The following PLEKHG1 variants were observed in gnomAD, a reference collection of about 807,000 sequenced individuals.
The protein encoded by PLEKHG1 is pleckstrin homology domain-containing family G member 1.
Under a neutral mutation model 100.8 loss-of-function variants are expected in PLEKHG1, and 44 were observed. The observed-to-expected ratio is 0.44, with a 90% CI of 0.34 to 0.56. The LOEUF is 0.56. PLEKHG1 is among the 20% of genes least tolerant of loss of function. PLEKHG1 has a pLI of 0.01. For missense variants in PLEKHG1, 1,545 were observed against 1,720.9 expected, an observed-to-expected ratio of 0.90 and a Z score of 1.81; for synonymous variants, 640 against 662.5, an observed-to-expected ratio of 0.97 and a Z score of 0.52.
chr6:150,690,176 A>G (rs1211233112), intron 3 of PLEKHG1, among the ~76,000 whole-genome samples: 4 of 151,394 alleles, frequency 2.6e-5, no homozygotes, highest in Non-Finnish European at 5.9e-5. Context: ...GGTTCTTTAA[A>G]CTCATAACTG....
At chr6:150,753,896 C>T (rs1783673379) in intron 2 of PLEKHG1, among the ~76,000 whole-genome samples, 2 of 152,172 alleles carry the variant, frequency 1.3e-5, no homozygotes, top group South Asian at 4.1e-4. Flanking sequence ...AGCGGGGGCA[C>T]CGTTAACCCT....
intron 3 of PLEKHG1, among the ~76,000 whole-genome samples, chr6:150,695,010 C>G (rs534067353): frequency 6.6e-6 from 1 of 152,142 alleles, no homozygotes; most frequent in Non-Finnish European, 1.5e-5. Flanking sequence ...ATTTTAATAG[C>G]CAAGAATGGC....
At chr6:150,840,794 A>G (rs757979449) in exon 16 of PLEKHG1, 2 of 1,614,180 alleles carry the variant, frequency 1.2e-6, no homozygotes, top group Admixed American at 3.3e-5. Flanking sequence ...ATTCTGACAA[A>G]CTGAATGACT....
chr6:150,719,864 A>T (rs1781596907), upstream of PLEKHG1, among the ~76,000 whole-genome samples: 1 of 152,228 alleles, frequency 6.6e-6, no homozygotes, highest in African/African-American at 2.4e-5. Flanking sequence ...AAATTCCAAC[A>T]AGTTGTCTTC....
chr6:150,819,397 T>G (rs1776173167), intron 11 of PLEKHG1, among the ~76,000 whole-genome samples: 1 of 151,750 alleles, frequency 6.6e-6, no homozygotes, highest in Non-Finnish European at 1.5e-5. Flanking sequence ...AAACCCCATC[T>G]CTACTAAAAA....
At chr6:150,833,226 G>T (rs548178116) in intron 15 of PLEKHG1, among the ~76,000 whole-genome samples, 32 of 150,396 alleles carry the variant, frequency 2.1e-4, no homozygotes, top group African/African-American at 7.3e-4. Context: ...TGTGTGTGTG[G>T]TTTTTTTGTA....
chr6:150,730,140 T>G (rs1456532231), intron 1 of PLEKHG1, among the ~76,000 whole-genome samples: 1 of 152,064 alleles, frequency 6.6e-6, no homozygotes. Context: ...TGTAACTGTG[T>G]GAAAAACAGT....
At chr6:150,784,705 A>C (rs374764700) in intron 3 of PLEKHG1, among the ~76,000 whole-genome samples, 2 of 152,334 alleles carry the variant, frequency 1.3e-5, no homozygotes, top group South Asian at 2.1e-4. Flanking sequence ...ACAGTGAGAC[A>C]AGATTGATAC....
rs1776293338 is a variant in PLEKHG1, at chr6:150,600,411, G to A, written c.-204+394G>A. On this transcript the variant is annotated intron_variant, in intron 1 of 3. Coordinates refer to the PLEKHG1 transcript ENST00000367326. This position sits in a 1 kb window ranked among gnomAD's most constrained non-coding sequence, Gnocchi z 6.2. ...GAGTTTCTGCGAGCACCCGGGAGTT[G>A]TAGCCACCGCTTCCCCACCCCCGAC... Among the ~76,000 whole-genome samples, 1 of 152,100 alleles carries A rather than the reference G, an allele frequency of 6.6e-6. No homozygotes were observed. The highest frequency in any genetic ancestry group is 1.5e-5 in the Non-Finnish European group (1 of 67,996).
chr6:150,681,083 T>C (rs1779912965), intron 3 of PLEKHG1, among the ~76,000 whole-genome samples: 1 of 152,222 alleles, frequency 6.6e-6, no homozygotes, highest in Non-Finnish European at 1.5e-5. Flanking sequence ...GCATTGGTGT[T>C]TCCCCTGCTT....
intron 14 of PLEKHG1, among the ~76,000 whole-genome samples, chr6:150,830,307 T>C (rs1182319652): frequency 6.6e-6 from 1 of 152,154 alleles, no homozygotes; most frequent in Non-Finnish European, 1.5e-5. Flanking sequence ...TTTTTGAAAA[T>C]ATCTGAAGTG....
chr6:150,806,662 CAA>C (rs4036093), intron 7 of PLEKHG1, among the ~76,000 whole-genome samples: 3,706 of 132,594 alleles, frequency 0.028, 162 homozygotes, highest in African/African-American at 0.093. Context: ...GAGACTGTCT[CAA>C]AAAAAAAAAA....
At chr6:150,759,715 A>G (rs1224414848) in intron 2 of PLEKHG1, among the ~76,000 whole-genome samples, 2 of 152,086 alleles carry the variant, frequency 1.3e-5, no homozygotes, top group Non-Finnish European at 2.9e-5. Context: ...AATAACAACA[A>G]TGATGATTGC....
chr6:150,782,632 T>C (rs1038182692), intron 3 of PLEKHG1, among the ~76,000 whole-genome samples: 3 of 152,162 alleles, frequency 2.0e-5, no homozygotes, highest in African/African-American at 7.2e-5. Context: ...AACAACAGAT[T>C]GCAACAGATA....
At chr6:150,719,081 G>A (rs1019166633), upstream of PLEKHG1, among the ~76,000 whole-genome samples, 15 of 152,128 alleles carry the variant, frequency 9.9e-5, no homozygotes, top group Non-Finnish European at 1.9e-4. Context: ...AGCAGAAACC[G>A]CGGATGAACT....
chr6:150,658,636 C>T (rs949036614), intron 3 of PLEKHG1, among the ~76,000 whole-genome samples: 1 of 152,182 alleles, frequency 6.6e-6, no homozygotes, highest in Non-Finnish European at 1.5e-5. Flanking sequence ...TCTGTGATCA[C>T]ATATTCTTAA....
chr6:150,834,435 T>C (rs1283268532), intron 15 of PLEKHG1, among the ~76,000 whole-genome samples: 1 of 152,186 alleles, frequency 6.6e-6, no homozygotes, highest in African/African-American at 2.4e-5. Flanking sequence ...TTTTTGATGA[T>C]GATGGGTTAT....
intron 7 of PLEKHG1, among the ~76,000 whole-genome samples, chr6:150,808,036 A>G (rs1320063635): frequency 6.6e-6 from 1 of 152,214 alleles, no homozygotes; most frequent in Non-Finnish European, 1.5e-5. Context: ...GATTACAGTC[A>G]ACAGTAATTT....
At chr6:150,632,522 C>CG (rs899474647) in intron 1 of PLEKHG1, among the ~76,000 whole-genome samples, 3 of 152,224 alleles carry the variant, frequency 2.0e-5, no homozygotes, top group African/African-American at 7.2e-5. Context: ...GGCCCCCAGG[C>CG]GAGTGTTGCC....
Sources: gnomAD v4.1 joint callset for allele counts (sites outside exome capture counted in the v4.1 genomes callset) on GRCh38, gnomAD v4.1.1 for gene constraint, Gnocchi (gnomAD v3.1) non-coding constraint, MANE v1.5 for transcripts, NCBI Gene and HGNC (gene_info 2026-07-23, HGNC 2026-07-21) for gene names.